The following EPC1 variants were observed in gnomAD, a reference collection of about 807,000 sequenced individuals.
EPC1 encodes the protein enhancer of polycomb 1, also known as enhancer of polycomb homolog 1.
Under a neutral mutation model 98.4 loss-of-function variants are expected in EPC1, and 12 were observed. The observed-to-expected ratio is 0.12, with a 90% CI of 0.08 to 0.20. EPC1 has a LOEUF of 0.20. Among genes scored for constraint, EPC1 ranks in the 10% least tolerant of loss-of-function variants. EPC1 has a pLI of 1.00. For synonymous variants in EPC1, 357 were observed against 363.9 expected (o/e 0.98, Z 0.21); for missense variants, 729 against 990.5 (o/e 0.74, Z 3.54).
intron 1 of EPC1, among the ~76,000 whole-genome samples, chr10:32,340,388 G>A (rs1838262684): frequency 1.3e-5 from 2 of 152,098 alleles, no homozygotes; most frequent in African/African-American, 2.4e-5. Flanking sequence ...TATATTTAAA[G>A]GTGCAAAGTT....
At chr10:32,333,585 T>C (rs1438651503) in intron 1 of EPC1, among the ~76,000 whole-genome samples, 2 of 152,086 alleles carry the variant, frequency 1.3e-5, no homozygotes, top group South Asian at 4.1e-4. Flanking sequence ...TGAGCCAAGA[T>C]CAAATCCAGG....
At chr10:32,330,921 A>T (rs1463580836) in intron 1 of EPC1, among the ~76,000 whole-genome samples, 1 of 152,206 alleles carries the variant, frequency 6.6e-6, no homozygotes. Flanking sequence ...AAAAGTTAGA[A>T]TGTCTGATCT....
At chr10:32,342,960 T>C (rs1022428133) in intron 1 of EPC1, among the ~76,000 whole-genome samples, 3 of 152,212 alleles carry the variant, frequency 2.0e-5, no homozygotes, top group East Asian at 3.8e-4. Flanking sequence ...TTCAATAGAA[T>C]GCGAAGCCGT....
intron 1 of EPC1, among the ~76,000 whole-genome samples, chr10:32,353,704 A>C (rs1351561239): frequency 1.3e-5 from 2 of 152,254 alleles, no homozygotes; most frequent in Non-Finnish European, 2.9e-5. Flanking sequence ...GAAAATGTGA[A>C]ATTAATATCT....
intron 10 of EPC1, among the ~76,000 whole-genome samples, chr10:32,280,387 G>A (rs1033025658): frequency 6.6e-5 from 10 of 152,128 alleles, no homozygotes; most frequent in Non-Finnish European, 1.3e-4. Flanking sequence ...AGCAGGCAGA[G>A]GTTGCAGTGA....
intron 1 of EPC1, among the ~76,000 whole-genome samples, chr10:32,342,217 AAG>A (rs1305506639): frequency 1.3e-5 from 2 of 152,216 alleles, no homozygotes; most frequent in East Asian, 1.9e-4. Flanking sequence ...CTTCACTTCC[AAG>A]AGAGTGGATA....
At chr10:32,309,460 T>A (rs1285651262) in intron 1 of EPC1, among the ~76,000 whole-genome samples, 1 of 150,772 alleles carries the variant, frequency 6.6e-6, no homozygotes, top group Non-Finnish European at 1.5e-5. Context: ...TATTTTAAAA[T>A]ACATTTCACT....
At chr10:32,337,644 CT>C (rs369554532) in intron 1 of EPC1, among the ~76,000 whole-genome samples, 3 of 152,206 alleles carry the variant, frequency 2.0e-5, no homozygotes, top group African/African-American at 7.2e-5. Context: ...TCATTTGTGC[CT>C]GATGGAACTT....
chr10:32,290,505 A>AAAAGAAAAAAAG (rs1836948726), intron 6 of EPC1, among the ~76,000 whole-genome samples: 1 of 77,474 alleles, frequency 1.3e-5, no homozygotes, highest in African/African-American at 5.5e-5. Flanking sequence ...AAAAAAAAAA[A>AAAAGAAAAAAAG]AAAGAAAGAA....
chr10:32,312,550 T>C (rs1041905495), intron 1 of EPC1, among the ~76,000 whole-genome samples: 1 of 152,254 alleles, frequency 6.6e-6, no homozygotes, highest in South Asian at 2.1e-4. Flanking sequence ...AAAGGCCATA[T>C]AGTTGGTTTA....
intron 10 of EPC1, among the ~76,000 whole-genome samples, chr10:32,275,862 G>A (rs576374779): frequency 4.0e-4 from 61 of 151,946 alleles, no homozygotes; most frequent in African/African-American, 1.2e-3. Context: ...GCTTGAACCC[G>A]GGAGGTGGAG....
At position 32,271,927 on chromosome 10, in the gene EPC1, A is replaced by G. The variant is rs200728281; in HGVS notation, c.2006-10T>C. ...AAGCCCTTGTATACTCCTAGAGAGA[A>G]AAAGAAAGAAACATCTAAACAATGT... On this transcript the variant is annotated splice_polypyrimidine_tract_variant and intron_variant, in intron 12 of 13. Coordinates refer to ENST00000319778, the MANE Select transcript of EPC1 (RefSeq NM_001272004.3). The G allele has an allele frequency of 1.4e-5, 23 of 1,606,264 alleles. No individual in the cohort carries two copies. The East Asian group carries it at 4.9e-4, about 34-fold the overall frequency.
At chr10:32,327,852 T>C (rs1440249757) in intron 1 of EPC1, among the ~76,000 whole-genome samples, 5 of 152,226 alleles carry the variant, frequency 3.3e-5, no homozygotes, top group African/African-American at 4.8e-5. Flanking sequence ...ACCAGAGTCA[T>C]GTCTGTGATC....
chr10:32,346,460 G>C (rs1475499761), intron 1 of EPC1: 1 of 336,382 alleles, frequency 3.0e-6, no homozygotes, highest in Admixed American at 4.5e-5. Context: ...CAAGAACTAA[G>C]ACACAAAATG....
chr10:32,348,079 T>G (rs775094669), upstream of EPC1, among the ~76,000 whole-genome samples: 1 of 152,230 alleles, frequency 6.6e-6, no homozygotes, highest in African/African-American at 2.4e-5. Context: ...AGACTGCGGC[T>G]TCATCATAGC....
chr10:32,290,256 C>A (rs1436484789), intron 6 of EPC1, among the ~76,000 whole-genome samples: 2 of 151,798 alleles, frequency 1.3e-5, no homozygotes, highest in African/African-American at 2.4e-5. Flanking sequence ...CCTAGACGGG[C>A]GGATCACCTG....
chr10:32,292,052 T>A (rs1000832876), intron 5 of EPC1: 1 of 152,390 alleles, frequency 6.6e-6, no homozygotes, highest in East Asian at 1.9e-4. Context: ...TCTTTGGGGA[T>A]AGGGACTAGA....
At chr10:32,279,116 T>A (rs772676890) in intron 10 of EPC1, among the ~76,000 whole-genome samples, 28 of 152,212 alleles carry the variant, frequency 1.8e-4, no homozygotes, top group Non-Finnish European at 3.8e-4. Context: ...TTTGGGAGGC[T>A]GAGGCAGGCG....
chr10:32,300,289 C>A (rs1835423407), intron 2 of EPC1, among the ~76,000 whole-genome samples: 1 of 151,896 alleles, frequency 6.6e-6, no homozygotes, highest in Non-Finnish European at 1.5e-5. Context: ...TACATGTGCA[C>A]AACATGCAGG....
Sources: allele counts gnomAD v4.1 joint callset (sites outside exome capture counted in the v4.1 genomes callset), GRCh38; gene constraint gnomAD v4.1.1; transcripts MANE v1.5; gene names NCBI Gene and HGNC (gene_info 2026-07-23, HGNC 2026-07-21).